SULF2: variants seen among roughly 807,000 people sequenced by gnomAD.
SULF2 encodes sulfatase 2, also known as extracellular sulfatase Sulf-2.
In SULF2, 52 loss-of-function variants were observed where a neutral mutation model predicts 107.7. The observed-to-expected ratio is 0.48, with a 90% CI of 0.39 to 0.61. The LOEUF (loss-of-function observed/expected upper bound fraction) is 0.61, where lower values mean the gene tolerates loss of function less well. Ranked by LOEUF, SULF2 falls within the 20% of genes least tolerant of loss-of-function variation. The pLI, the probability that SULF2 is intolerant of heterozygous loss-of-function variation, is 0.00. For missense variants in SULF2, 993 were observed against 1,177.3 expected (o/e 0.84, Z 2.29); for synonymous variants, 460 against 464.3 (o/e 0.99, Z 0.12).
At chr20:47,715,006 C>T (rs967430618) in intron 3 of SULF2, among the ~76,000 whole-genome samples, 1 of 152,182 alleles carries the variant, frequency 6.6e-6, no homozygotes, top group Admixed American at 6.5e-5. Flanking sequence ...TACCCTCAAC[C>T]TCCCCAGGCT....
At chr20:47,738,547 C>A (rs1259178851) in intron 2 of SULF2, among the ~76,000 whole-genome samples, 1 of 152,158 alleles carries the variant, frequency 6.6e-6, no homozygotes, top group African/African-American at 2.4e-5. Flanking sequence ...TCCCATATTT[C>A]CCACGTGTTG....
At chr20:47,671,989 C>CGCT (rs2087490176) in intron 11 of SULF2, among the ~76,000 whole-genome samples, 1 of 152,182 alleles carries the variant, frequency 6.6e-6, no homozygotes, top group Non-Finnish European at 1.5e-5. Flanking sequence ...GGATTACAGG[C>CGCT]GTGAGCCATT....
At position 47,746,983 on chromosome 20, in the gene SULF2, A is replaced by T. The variant is rs890661904; in HGVS notation, c.176-10041T>A. 1.4e-3 allele frequency among the ~76,000 whole-genome samples: 16 copies of T among 11,414 alleles called. No individual in the cohort carries two copies. The South Asian group carries it at 0.051, about 37-fold the overall frequency. The allele number at this position is 11,414 out of a possible 152,430, so 7.5% of individuals were successfully genotyped here. A position where few individuals can be genotyped will look rare whatever the true frequency, so the allele number is the denominator to read the frequency against. Reference sequence around the variant, plus strand: ...CATGTACCCTAGAACTTAAATAAATAAAAAAAAAAAAATATATATATATAT... The same window carrying T: ...CATGTACCCTAGAACTTAAATAAATTAAAAAAAAAAAATATATATATATAT... On this transcript the variant is annotated intron_variant, in intron 2 of 20. Transcript: ENST00000688720.
At chr20:47,749,254 G>T (rs1335272065) in intron 2 of SULF2, among the ~76,000 whole-genome samples, 1 of 152,150 alleles carries the variant, frequency 6.6e-6, no homozygotes, top group Non-Finnish European at 1.5e-5. Context: ...ATTCTGTCTT[G>T]TTTAAGCCAC....
At chr20:47,772,185 G>A (rs2090643368) in intron 1 of SULF2, among the ~76,000 whole-genome samples, 1 of 152,166 alleles carries the variant, frequency 6.6e-6, no homozygotes, top group African/African-American at 2.4e-5. Context: ...AGTCTATCTT[G>A]GAGGAACCAG....
Position 47,720,242 on chromosome 20 carries a change from T to G in SULF2, c.415+16461A>C, listed in dbSNP as rs575738577. On this transcript the variant is annotated intron_variant, in intron 3 of 20. Transcript: ENST00000688720. ...TGCTGGAATTACAGGCTTGAGCCAC[T>G]GCACCTGGCCTTTATTTTATTTTAT... Among the ~76,000 whole-genome samples, 14 of 152,270 alleles carry G rather than the reference T, an allele frequency of 9.2e-5. No homozygotes were observed. In the South Asian group the frequency reaches 2.9e-3, roughly 32 times the overall value.
At chr20:47,718,777 T>TG (rs1431080900) in intron 3 of SULF2, among the ~76,000 whole-genome samples, 1 of 151,984 alleles carries the variant, frequency 6.6e-6, no homozygotes, top group African/African-American at 2.4e-5. Flanking sequence ...GAGTTGGGGA[T>TG]GGGGGTTGAT....
intron 1 of SULF2, among the ~76,000 whole-genome samples, chr20:47,768,217 G>A (rs1465596330): frequency 1.3e-5 from 2 of 151,690 alleles, no homozygotes; most frequent in Non-Finnish European, 2.9e-5. Context: ...CCAACACACC[G>A]AACACAGCAG....
In SULF2 at chr20:47,736,911, G is replaced by A; in HGVS notation, c.207C>T (p.Arg69=). ...GSMQVMNKTR[R]IMEQGGAHFI... Reference sequence around the variant, plus strand: ...AGTGCGCCCCGCCCTGCTCCATGATGCGCCGGGTCTTGTTCATCACCTGCA... The same window carrying A: ...AGTGCGCCCCGCCCTGCTCCATGATACGCCGGGTCTTGTTCATCACCTGCA... Residue 69 remains arginine (R), a synonymous_variant, in exon 3 of 21, where the codon CGC becomes CGT. Coordinates refer to ENST00000688720, the MANE Select transcript of SULF2 (RefSeq NM_001387048.1). 3 of 1,614,224 alleles carry A rather than the reference G, an allele frequency of 1.9e-6. No homozygotes were observed. Among genetic ancestry groups the A allele is most frequent in the Non-Finnish European group, 2.5e-6 (3 of 1,180,022 alleles).
chr20:47,684,551 C>T lies in SULF2; in HGVS notation c.768G>A (p.Pro256=), dbSNP rs201684871. The change falls in exon 6 of 21, where the codon CCG becomes CCA. Residue 256 remains proline (P), a synonymous_variant. Coordinates refer to ENST00000688720, the MANE Select transcript of SULF2 (RefSeq NM_001387048.1). ...TGTAGCGCATGATCCAGTGTTTGTC[C>T]GGGTTGGGCGCGTAGTTGTAGCTCG... The part of the protein sequence containing the change: ...ITPSYNYAPN[P]DKHWIMRYTG... 79 of 1,613,894 alleles carry T rather than the reference C, an allele frequency of 4.9e-5. No individual in the cohort carries two copies. Among genetic ancestry groups the T allele is most frequent in the African/African-American group, 6.7e-5 (5 of 74,998 alleles).
intron 2 of SULF2, among the ~76,000 whole-genome samples, chr20:47,742,423 C>T (rs77893497): frequency 6.6e-6 from 1 of 152,304 alleles, no homozygotes; most frequent in Non-Finnish European, 1.5e-5. Context: ...CAAACCTTCC[C>T]ACCATACTGG....
Position 47,663,040 on chromosome 20 carries a change from C to T in SULF2, c.2370+30G>A, listed in dbSNP as rs775003895. 6.2e-6 allele frequency: 10 copies of T among 1,613,542 alleles called. No individual in the cohort carries two copies. The East Asian group carries it at 2.2e-4, about 36-fold the overall frequency. The stretch of plus-strand genomic sequence containing the variant: ...CTGGCAGCACTGGTGTACCCCACAC[C>T]CCCATCCCTCTAGCTCGGGTTGCCT... On this transcript the variant is annotated intron_variant, in intron 17 of 20. Coordinates refer to ENST00000688720, the MANE Select transcript of SULF2 (RefSeq NM_001387048.1).
intron 1 of SULF2, among the ~76,000 whole-genome samples, chr20:47,767,739 C>T (rs1020813596): frequency 1.2e-4 from 18 of 152,118 alleles, no homozygotes; most frequent in Non-Finnish European, 2.1e-4. Context: ...TGCGCTACTG[C>T]ACTCCAGCCT....
chr20:47,682,276 G>A (rs1308089514), intron 7 of SULF2, among the ~76,000 whole-genome samples: 4 of 152,258 alleles, frequency 2.6e-5, no homozygotes, highest in African/African-American at 9.6e-5. Flanking sequence ...CCCTGTGTGA[G>A]TGCTGGGTGT....
chr20:47,672,308 A>G lies in SULF2; in HGVS notation c.1466T>C (p.Leu489Pro), dbSNP rs747968104. ...GTAGTACTTGGGCACGAGGTTGGAG[A>G]GGGCTCTGCTGCCGCCCAGCCGCAT... ...GPMRLGGSRA[L>P]SNLVPKYYGQ... Residue 489 changes from leucine to proline, a missense_variant, in exon 11 of 21, where the codon CTC (leucine) becomes CCC (proline). Leu to Pro is a moderately conservative substitution (Grantham distance 98, BLOSUM62 -3). Coordinates refer to ENST00000688720, the MANE Select transcript of SULF2 (RefSeq NM_001387048.1). 18 of 1,613,224 alleles carry G rather than the reference A, an allele frequency of 1.1e-5. No homozygotes were observed. The East Asian group carries it at 4.0e-4, about 36-fold the overall frequency.
At chr20:47,690,092 C>T (rs2088144374) in intron 5 of SULF2, 34 bp downstream of exon 5, 1 of 1,381,034 alleles carries the variant, frequency 7.2e-7, no homozygotes, top group African/African-American at 1.5e-5. Context: ...TCATGCTAAG[C>T]AGTGCCTCTG....
chr20:47,733,515 G>A (rs1217504704), intron 3 of SULF2, among the ~76,000 whole-genome samples: 1 of 152,144 alleles, frequency 6.6e-6, no homozygotes, highest in Non-Finnish European at 1.5e-5. Flanking sequence ...GCTCATGCAT[G>A]TAATCCCAGC....
At chr20:47,746,614 G>A (rs570761031) in intron 2 of SULF2, among the ~76,000 whole-genome samples, 2 of 152,158 alleles carry the variant, frequency 1.3e-5, no homozygotes, top group South Asian at 2.1e-4. Context: ...GGAGAGAAAG[G>A]CCTGGGGCAC....
Position 47,666,850 on chromosome 20 carries a change from A to C in SULF2, c.1577-362T>G, listed in dbSNP as rs1602590714. ...TCACGCTAGAGCGTGGATGAATGTC[A>C]AAAGCAGGCGGAGTGAAACCAGCCA... On this transcript the variant is annotated intron_variant, in intron 11 of 20. Coordinates refer to ENST00000688720, the MANE Select transcript of SULF2 (RefSeq NM_001387048.1). The surrounding 1 kb of genome is among the most constrained non-coding windows in gnomAD (Gnocchi z 5.4). 2.6e-5 allele frequency among the ~76,000 whole-genome samples: 4 copies of C among 152,380 alleles called. No individual in the cohort carries two copies. In the East Asian group the frequency reaches 7.7e-4, roughly 29 times the overall value.
Sources: allele counts gnomAD v4.1 joint callset (sites outside exome capture counted in the v4.1 genomes callset), GRCh38; gene constraint gnomAD v4.1.1; non-coding constraint Gnocchi (gnomAD v3.1); transcripts MANE v1.5; gene names NCBI Gene and HGNC (gene_info 2026-07-23, HGNC 2026-07-21).